Variants in COLEC12 observed in about 807,000 individuals in gnomAD.
The protein encoded by COLEC12 is collectin subfamily member 12.
COLEC12 carries 33 observed loss-of-function variants against 71.1 expected under a neutral mutation model. The ratio of observed to expected loss-of-function variants is 0.46; its 90% confidence interval spans 0.35 to 0.62. COLEC12 has a LOEUF of 0.62. COLEC12 is among the 20% of genes least tolerant of loss of function. The pLI, the probability that COLEC12 is intolerant of heterozygous loss-of-function variation, is 0.00. For missense variants in COLEC12, 765 were observed against 916.1 expected (o/e 0.84, Z 2.13); for synonymous variants, 350 against 353.0 (o/e 0.99, Z 0.10).
At chr18:422,616 A>G (rs1205402999) in intron 2 of COLEC12, among the ~76,000 whole-genome samples, 3 of 151,928 alleles carry the variant, frequency 2.0e-5, no homozygotes, top group African/African-American at 7.2e-5. Context: ...ACTACTGTTA[A>G]TAGTTTATAT....
intron 2 of COLEC12, among the ~76,000 whole-genome samples, chr18:389,563 G>A (rs929889062): frequency 6.6e-6 from 1 of 151,088 alleles, no homozygotes; most frequent in African/African-American, 2.4e-5. Context: ...CTATGCATGA[G>A]CCACCGAGCC....
At chr18:424,735 CT>C (rs1392748285) in intron 2 of COLEC12, among the ~76,000 whole-genome samples, 2 of 152,210 alleles carry the variant, frequency 1.3e-5, no homozygotes, top group Non-Finnish European at 1.5e-5. Context: ...CAATAAGTCA[CT>C]CGTCAATGTA....
chr18:465,149 A>T (rs545018759), intron 2 of COLEC12, among the ~76,000 whole-genome samples: 1 of 152,160 alleles, frequency 6.6e-6, no homozygotes, highest in Admixed American at 6.5e-5. Context: ...TCTCACCCAG[A>T]CTGGAGTGCA....
chr18:406,800 G>T (rs892862171), intron 2 of COLEC12, among the ~76,000 whole-genome samples: 2 of 152,220 alleles, frequency 1.3e-5, no homozygotes, highest in African/African-American at 4.8e-5. Flanking sequence ...TTTCTCTTGT[G>T]TCGTTGTGTA....
chr18:405,478 C>T (rs567066031), intron 2 of COLEC12, among the ~76,000 whole-genome samples: 9 of 152,230 alleles, frequency 5.9e-5, no homozygotes, highest in Non-Finnish European at 8.8e-5. Context: ...GTGATGTCAC[C>T]GCCAGTGGCC....
In COLEC12 at chr18:429,382, T is replaced by C. The variant is rs138334463; in HGVS notation, c.58+51325A>G. On this transcript the variant is annotated intron_variant, in intron 2 of 9. Transcript: ENST00000400256. Reference sequence around the variant, plus strand: ...TATTTTTTTTCATGTAATTCTTTTTTTCTTTCTTTTTTTTTTTAAGACAGT... The same window carrying C: ...TATTTTTTTTCATGTAATTCTTTTTCTCTTTCTTTTTTTTTTTAAGACAGT... Among the ~76,000 whole-genome samples, 4 of 146,652 alleles carry C rather than the reference T, an allele frequency of 2.7e-5. No homozygotes were observed. The East Asian group carries it at 7.7e-4, about 28-fold the overall frequency.
chr18:412,262 T>C (rs982604431), intron 2 of COLEC12, among the ~76,000 whole-genome samples: 2 of 152,146 alleles, frequency 1.3e-5, no homozygotes, highest in Non-Finnish European at 2.9e-5. Flanking sequence ...ATTTGAATGA[T>C]GGTGATTTTA....
At chr18:494,216 C>G (rs1917669458) in intron 1 of COLEC12, among the ~76,000 whole-genome samples, 1 of 152,194 alleles carries the variant, frequency 6.6e-6, no homozygotes, top group Admixed American at 6.5e-5. Flanking sequence ...TCCCTGAGGT[C>G]TGTTTTAACA....
chr18:493,927 G>T (rs1206209792), intron 1 of COLEC12, among the ~76,000 whole-genome samples: 1 of 151,938 alleles, frequency 6.6e-6, no homozygotes, highest in Non-Finnish European at 1.5e-5. Flanking sequence ...CCGGACACTG[G>T]ATTTGAAACA....
Position 371,319 on chromosome 18 carries a change from T to A in COLEC12, c.59-13797A>T, listed in dbSNP as rs532646706. Among the ~76,000 whole-genome samples the A allele has an allele frequency of 2.9e-4, 44 of 152,354 alleles. No homozygotes were observed. In the South Asian group the frequency reaches 5.6e-3, roughly 19 times the overall value. ...AGCCCCAGATGATGGTGTGATTATA[T>A]GTTTACTAAGCTTTATCCAGAGGAC... On this transcript the variant is annotated intron_variant, in intron 2 of 9. Transcript: ENST00000400256.
chr18:468,982 A>G (rs1917140591), intron 2 of COLEC12, among the ~76,000 whole-genome samples: 1 of 152,270 alleles, frequency 6.6e-6, no homozygotes, highest in African/African-American at 2.4e-5. Context: ...GTGGCTTCAC[A>G]TGGCAGCAGT....
chr18:475,419 C>T (rs1182623107), intron 2 of COLEC12, among the ~76,000 whole-genome samples: 1 of 152,092 alleles, frequency 6.6e-6, no homozygotes, highest in Non-Finnish European at 1.5e-5. Context: ...TGGAGCCCTC[C>T]TTGTTGTCGG....
intron 2 of COLEC12, among the ~76,000 whole-genome samples, chr18:467,968 T>C (rs570923745): frequency 6.6e-6 from 1 of 152,250 alleles, no homozygotes; most frequent in South Asian, 2.1e-4. Context: ...AAAAATAATA[T>C]ATTTTAAAAA....
chr18:437,608 G>A (rs898048568), intron 2 of COLEC12, among the ~76,000 whole-genome samples: 2 of 152,120 alleles, frequency 1.3e-5, no homozygotes, highest in African/African-American at 2.4e-5. Context: ...TCCTAAGTAC[G>A]ATTAGAAAGG....
intron 2 of COLEC12, among the ~76,000 whole-genome samples, chr18:474,414 A>G (rs1048388796): frequency 1.3e-5 from 2 of 152,228 alleles, no homozygotes; most frequent in African/African-American, 4.8e-5. Context: ...TCATAATCAC[A>G]TGGAATGTGG....
At chr18:397,536 A>G (rs1915596752) in intron 2 of COLEC12, among the ~76,000 whole-genome samples, 1 of 152,162 alleles carries the variant, frequency 6.6e-6, no homozygotes, top group African/African-American at 2.4e-5. Flanking sequence ...TTGGCACATC[A>G]GATCATCAGT....
At chr18:368,732 G>T (rs185295646) in intron 2 of COLEC12, among the ~76,000 whole-genome samples, 8 of 152,244 alleles carry the variant, frequency 5.3e-5, no homozygotes, top group African/African-American at 1.4e-4. Context: ...CGGGCGTGGT[G>T]GCGGGCGCCT....
chr18:446,775 G>A (rs945743167), intron 2 of COLEC12, among the ~76,000 whole-genome samples: 1 of 151,904 alleles, frequency 6.6e-6, no homozygotes, highest in African/African-American at 2.4e-5. Flanking sequence ...TTATAACTGA[G>A]CACCCCTAAA....
chr18:347,962 T>A, intron 4 of COLEC12, 103 bp downstream of exon 4: 1 of 667,494 alleles, frequency 1.5e-6, no homozygotes, highest in Non-Finnish European at 2.6e-6. Flanking sequence ...AAATTGAATG[T>A]CCTTCCGGGT....
Sources: allele counts gnomAD v4.1 joint callset (sites outside exome capture counted in the v4.1 genomes callset), GRCh38; gene constraint gnomAD v4.1.1; transcripts MANE v1.5; gene names NCBI Gene and HGNC (gene_info 2026-07-23, HGNC 2026-07-21).